Variants in ABCG1 observed in about 807,000 individuals in gnomAD.
ABCG1 encodes ATP binding cassette subfamily G member 1.
ABCG1 carries 29 observed loss-of-function variants against 69.2 expected under a neutral mutation model. The ratio of observed to expected loss-of-function variants is 0.42; its 90% CI spans 0.31 to 0.57. ABCG1 has a LOEUF of 0.57. Among genes scored for constraint, ABCG1 ranks in the 20% least tolerant of loss-of-function variants. The pLI is 0.15. For missense variants in ABCG1, 718 were observed against 898.1 expected (o/e 0.80, Z 2.56); for synonymous variants, 370 against 374.8 (o/e 0.99, Z 0.15).
Position 42,276,790 on chromosome 21 carries a change from G to C in ABCG1, c.538-105G>C. 8.5e-7 allele frequency: 1 copy of C among 1,177,616 alleles called. No individual in the cohort carries two copies. Among genetic ancestry groups the C allele is most frequent in the Admixed American group, 1.8e-5 (1 of 56,562 alleles). 72.9% of individuals were successfully genotyped at this position (1,177,616 alleles called of 1,614,324 possible). ...ACCGTGGCTAGTGGCACTGTGGCTA[G>C]CTGCATCTTGGCTAGCTGCACCGTG... On this transcript the variant is annotated intron_variant, in intron 4 of 14. Transcript: ENST00000398449. This position sits in a 1 kb window ranked among gnomAD's most constrained non-coding sequence, Gnocchi z 5.3.
Position 42,273,252 on chromosome 21 carries a change from G to A in ABCG1, c.405-51G>A. ...CTCCCCTCTCCTGCCCCGGGAGGTG[G>A]AGGAGGAGCAGGAGCCCGGCTGACG... is the stretch of plus-strand genomic sequence containing the variant. On this transcript the variant is annotated intron_variant, in intron 3 of 14. Transcript: ENST00000398449. The surrounding 1 kb of genome is among the most constrained non-coding windows in gnomAD (Gnocchi z 5.3). 3 of 1,579,250 alleles carry A rather than the reference G, an allele frequency of 1.9e-6. 1 individual carries two copies. Among genetic ancestry groups the A allele is most frequent in the South Asian group, 2.3e-5 (2 of 86,898 alleles).
rs534937848 is a variant in ABCG1, at chr21:42,286,759, C to T, written c.973+765C>T. 4.3e-4 allele frequency among the ~76,000 whole-genome samples: 65 copies of T among 152,246 alleles called. No homozygotes were observed. In the Middle Eastern group the frequency reaches 0.017, roughly 40 times the overall value. On this transcript the variant is annotated intron_variant, in intron 8 of 14. Coordinates refer to ENST00000398449, the MANE Select transcript of ABCG1 (RefSeq NM_016818.3). ...GGGCGGGCAGGAAGGAGAGGAAACA[C>T]GGTGCGTGGGGATGCAGAGAGGTCC...
At chr21:42,214,215 C>T (rs1286815654), upstream of ABCG1, among the ~76,000 whole-genome samples, 5 of 152,260 alleles carry the variant, frequency 3.3e-5, no homozygotes, top group Non-Finnish European at 4.4e-5. Flanking sequence ...GACTTTGCCT[C>T]ATGAATAGGG....
In ABCG1 at chr21:42,290,240, C is replaced by G. The variant is rs182057616; in HGVS notation, c.1393+22C>G. On this transcript the variant is annotated intron_variant, in intron 11 of 14. Transcript: ENST00000398449. ...ACATGTGAGTGACAGACCGCTGACC[C>G]CTTCTTCCTTATTTTCAATTCCTAC... The G allele has an allele frequency of 4.9e-5, 78 of 1,602,566 alleles. No homozygotes were observed. The East Asian group carries it at 1.1e-3, about 24-fold the overall frequency.
At chr21:42,202,737 GAGTCGTTGAGACTAC>G (rs2067516416) in intron 2 of ABCG1, among the ~76,000 whole-genome samples, 1 of 151,882 alleles carries the variant, frequency 6.6e-6, no homozygotes. Context: ...TCAGCCACCT[GAGTCGTTGAGACTAC>G]AGGTGCCCAC....
chr21:42,250,305 G>A (rs1334424724), intron 2 of ABCG1, among the ~76,000 whole-genome samples: 1 of 152,078 alleles, frequency 6.6e-6, no homozygotes, highest in Non-Finnish European at 1.5e-5. Context: ...GGACTTTGGT[G>A]CTTCCAGTCT....
intron 6 of ABCG1, among the ~76,000 whole-genome samples, chr21:42,284,350 A>G (rs2068895401): frequency 6.6e-6 from 1 of 151,954 alleles, no homozygotes; most frequent in Non-Finnish European, 1.5e-5. Context: ...TACCAGGAAT[A>G]AAATGCAACA....
intron 3 of ABCG1, among the ~76,000 whole-genome samples, chr21:42,272,842 C>T (rs1022943596): frequency 4.6e-5 from 7 of 152,238 alleles, no homozygotes; most frequent in Non-Finnish European, 8.8e-5. Context: ...CTCTCTGCTC[C>T]TTCCCAGGCC....
intron 2 of ABCG1, among the ~76,000 whole-genome samples, chr21:42,229,636 C>T (rs2067872069): frequency 1.3e-5 from 2 of 152,090 alleles, no homozygotes; most frequent in Admixed American, 1.3e-4. Flanking sequence ...AGGAGAATTG[C>T]TTGAATCCAG....
intron 2 of ABCG1, among the ~76,000 whole-genome samples, chr21:42,203,003 G>A (rs556375940): frequency 2.6e-5 from 4 of 152,250 alleles, no homozygotes; most frequent in South Asian, 4.1e-4. Flanking sequence ...AGAAAACCCA[G>A]AATCACACCC....
intron 2 of ABCG1, among the ~76,000 whole-genome samples, chr21:42,208,264 G>A (rs975488829): frequency 4.7e-5 from 7 of 147,566 alleles, no homozygotes; most frequent in African/African-American, 1.8e-4. Flanking sequence ...TGCATTTCCA[G>A]GTTTTCAGCT....
chr21:42,256,036 G>T (rs756237741), intron 2 of ABCG1: 490 of 702,658 alleles, frequency 7.0e-4, no homozygotes, highest in South Asian at 1.4e-3. Flanking sequence ...CCATTAGGGG[G>T]AGCCACTGGG....
chr21:42,223,472 T>TC (rs2067763845), intron 1 of ABCG1, among the ~76,000 whole-genome samples: 1 of 151,948 alleles, frequency 6.6e-6, no homozygotes, highest in East Asian at 1.9e-4. Flanking sequence ...TAGGCACACA[T>TC]GGGGAAAAGG....
chr21:42,263,873 C>G (rs2068455596), intron 2 of ABCG1, among the ~76,000 whole-genome samples: 1 of 152,208 alleles, frequency 6.6e-6, no homozygotes, highest in Admixed American at 6.5e-5. Flanking sequence ...AAGGCCACGG[C>G]GTTGCCTGAG....
rs554864969 is a variant in ABCG1, at chr21:42,285,861, T to C, written c.859-19T>C. 55 of 1,582,762 alleles carry C rather than the reference T, an allele frequency of 3.5e-5. No homozygotes were observed. In the South Asian group the frequency reaches 5.0e-4, roughly 14 times the overall value. On this transcript the variant is annotated intron_variant, in intron 7 of 14. Coordinates refer to ENST00000398449, the MANE Select transcript of ABCG1 (RefSeq NM_016818.3). ...AGGAAGGCAGGGCTTGATCCCTTTT[T>C]CTCCTTCCTTTTTTCCAGCTTTACG...
chr21:42,227,434 G>A (rs1469458794), intron 2 of ABCG1, among the ~76,000 whole-genome samples: 2 of 152,238 alleles, frequency 1.3e-5, no homozygotes, highest in Non-Finnish European at 2.9e-5. Flanking sequence ...GCAAAGCAGT[G>A]AGCAACATAG....
In ABCG1 at chr21:42,219,790, A is replaced by C; in HGVS notation, c.42+486A>C. 1 of 1,412,910 alleles carries C rather than the reference A, an allele frequency of 7.1e-7. No homozygotes were observed. Among genetic ancestry groups the C allele is most frequent in the Non-Finnish European group, 9.2e-7 (1 of 1,084,048 alleles). 87.5% of individuals were successfully genotyped at this position (1,412,910 alleles called of 1,614,324 possible). ...GGAACGCCAGGCAAGGTCTGGGGGAACAAAAGAGGAAGCTGCCCCCAGAGA... is the reference window on the plus strand; with the variant it reads ...GGAACGCCAGGCAAGGTCTGGGGGACCAAAAGAGGAAGCTGCCCCCAGAGA... On this transcript the variant is annotated intron_variant, in intron 1 of 14. Coordinates refer to ENST00000398449, the MANE Select transcript of ABCG1 (RefSeq NM_016818.3). The surrounding 1 kb of genome is among the most constrained non-coding windows in gnomAD (Gnocchi z 5.3).
chr21:42,217,160 G>A (rs1326592765), upstream of ABCG1, among the ~76,000 whole-genome samples: 2 of 152,166 alleles, frequency 1.3e-5, no homozygotes, highest in Non-Finnish European at 2.9e-5. Flanking sequence ...TCCACCGGCT[G>A]AAGCCAATTG....
At chr21:42,274,475 CT>C (rs57783276) in intron 4 of ABCG1, among the ~76,000 whole-genome samples, 167 of 128,964 alleles carry the variant, frequency 1.3e-3, no homozygotes, top group East Asian at 4.2e-3. Flanking sequence ...TTTCCAGGGC[CT>C]TTTTTTTTTT....
Sources: gnomAD v4.1 joint callset for allele counts (sites outside exome capture counted in the v4.1 genomes callset) on GRCh38, gnomAD v4.1.1 for gene constraint, Gnocchi (gnomAD v3.1) non-coding constraint, MANE v1.5 for transcripts, NCBI Gene and HGNC (gene_info 2026-07-23, HGNC 2026-07-21) for gene names.